CCND3: variants seen among roughly 807,000 people sequenced by gnomAD.
The protein encoded by CCND3 is G1/S-specific cyclin-D3.
Under a neutral mutation model 28.7 loss-of-function variants are expected in CCND3, and 9 were observed. The observed-to-expected ratio is 0.31, with a 90% CI of 0.19 to 0.55. The LOEUF is 0.55. CCND3 is among the 20% of genes least tolerant of loss of function. CCND3 has a pLI of 0.93. For missense variants in CCND3, 315 were observed against 385.8 expected, an observed-to-expected ratio of 0.82 and a Z score of 1.54; for synonymous variants, 164 against 163.9, an observed-to-expected ratio of 1.00 and a Z score of 0.00.
At chr6:41,951,573 C>CAAAA (rs1489585484) in intron 1 of CCND3, among the ~76,000 whole-genome samples, 913 of 71,140 alleles carry the variant, frequency 0.013, 19 homozygotes, top group Admixed American at 0.016. Context: ...CACACACACA[C>CAAAA]ACAAAAAAAA....
intron 1 of CCND3, among the ~76,000 whole-genome samples, chr6:41,979,085 C>T (rs1357157660): frequency 3.5e-5 from 5 of 142,940 alleles, no homozygotes; most frequent in African/African-American, 1.3e-4. Context: ...GCAGGAGAAT[C>T]GCTTGAACCC....
intron 1 of CCND3, among the ~76,000 whole-genome samples, chr6:41,966,255 C>T (rs571185237): frequency 6.6e-6 from 1 of 152,152 alleles, no homozygotes; most frequent in Middle Eastern, 3.4e-3. Flanking sequence ...CAGAGATATC[C>T]GAGCTCCACA....
chr6:42,046,171 C>G lies in CCND3; in HGVS notation c.-46+2330G>C, dbSNP rs183835694. Among the ~76,000 whole-genome samples the G allele has an allele frequency of 6.7e-3, 1,026 of 152,314 alleles. 12 individuals carry two copies. The highest frequency in any genetic ancestry group is 0.023 in the African/African-American group (952 of 41,564). ...AGAGAGGGACCGCCTCAAGGCCTCCCCAAACCTGTGGGGAGGGCCCTTGTA... is the reference window on the plus strand; with the variant it reads ...AGAGAGGGACCGCCTCAAGGCCTCCGCAAACCTGTGGGGAGGGCCCTTGTA... On this transcript the variant is annotated intron_variant, in intron 1 of 4. Coordinates refer to the CCND3 transcript ENST00000372988.
Position 41,971,725 on chromosome 6 carries a change from A to C in CCND3, c.-45-31140T>G, listed in dbSNP as rs141333526. ...CAGCTAATTTTTGTATTTCTAATAG[A>C]GACGGGGTTTCGCCGTGTTGGCCAA... On this transcript the variant is annotated intron_variant, in intron 1 of 4. Transcript: ENST00000372988. 9.6e-3 allele frequency among the ~76,000 whole-genome samples: 1,450 copies of C among 151,234 alleles called. 22 individuals carry two copies. Among genetic ancestry groups the C allele is most frequent in the Non-Finnish European group, 0.013 (914 of 67,756 alleles).
chr6:42,000,709 A>T (rs1762983049), intron 1 of CCND3, among the ~76,000 whole-genome samples: 1 of 151,176 alleles, frequency 6.6e-6, no homozygotes, highest in Non-Finnish European at 1.5e-5. Context: ...CTGGGATTAC[A>T]GGCATGTGCC....
chr6:41,976,526 A>G (rs2127410168), intron 1 of CCND3, among the ~76,000 whole-genome samples: 1 of 152,114 alleles, frequency 6.6e-6, no homozygotes, highest in South Asian at 2.1e-4. Flanking sequence ...GGTGGCACAC[A>G]CCTGTAGTCT....
Position 42,000,564 on chromosome 6 carries a change from C to CTTTTTTTTTTTTTT in CCND3, c.-46+47923_-46+47936dup, listed in dbSNP as rs774090777. 1.2e-4 allele frequency among the ~76,000 whole-genome samples: 10 copies of CTTTTTTTTTTTTTT among 85,520 alleles called. 1 individual carries two copies. Among genetic ancestry groups the CTTTTTTTTTTTTTT allele is most frequent in the Admixed American group, 3.9e-4 (2 of 5,138 alleles). 56.1% of individuals were successfully genotyped at this position (85,520 alleles called of 152,430 possible). A position where few individuals can be genotyped will look rare whatever the true frequency, so the allele number is the denominator to read the frequency against. Reference sequence around the variant, plus strand: ...TTTCTAATAACTGGGTGAAACGAATCTTTTTTTTTTTTTTTTTTCTGAGAC... The same window carrying CTTTTTTTTTTTTTT: ...TTTCTAATAACTGGGTGAAACGAATCTTTTTTTTTTTTTTTTTTTTTTTTTTTTTTTTCTGAGAC... On this transcript the variant is annotated intron_variant, in intron 1 of 4. Coordinates refer to the CCND3 transcript ENST00000372988.
chr6:41,940,427 C>T lies in CCND3; in HGVS notation c.357G>A (p.Leu119=). 6.2e-7 allele frequency: 1 copy of T among 1,613,786 alleles called. No individual in the cohort carries two copies. Among genetic ancestry groups the T allele is most frequent in the Non-Finnish European group, 8.5e-7 (1 of 1,179,942 alleles). Residue 119 remains leucine, a synonymous_variant, in exon 2 of 5, where the codon CTG becomes CTA. Transcript: ENST00000372991. ...LASKLRETTP[L]TIEKLCIYTD... is the part of the protein sequence containing the mutation. ...TGTAGATGCACAGTTTTTCGATGGT[C>T]AGGGGCGTGGTCTCGCGCAGCTTGG...
chr6:42,000,081 C>T (rs1582147468), intron 1 of CCND3, among the ~76,000 whole-genome samples: 2 of 151,652 alleles, frequency 1.3e-5, no homozygotes, highest in East Asian at 3.9e-4. Context: ...GGAGAATACA[C>T]ATTCTTTTCA....
Position 41,936,973 on chromosome 6 carries a change from TC to T in CCND3, c.574+261del. 6.7e-6 allele frequency: 4 copies of T among 595,504 alleles called. No individual in the cohort carries two copies. The allele number at this position is 595,504 out of a possible 1,614,324, so 36.9% of individuals were successfully genotyped here. A position where few individuals can be genotyped will look rare whatever the true frequency, so the allele number is the denominator to read the frequency against. On this transcript the variant is annotated intron_variant, in intron 3 of 4. Transcript: ENST00000372991. The surrounding 1 kb of genome is among the most constrained non-coding windows in gnomAD (Gnocchi z 4.4). ...ACAACTAGGGCCAAGAGACTGGGGT[TC>T]TGTTCCCAACCTGTTCACTGTGAGA...
At chr6:42,038,847 T>G (rs562526898) in intron 1 of CCND3, among the ~76,000 whole-genome samples, 12 of 152,322 alleles carry the variant, frequency 7.9e-5, no homozygotes, top group Non-Finnish European at 1.5e-4. Context: ...TCTCCTCAAA[T>G]GGCACCTTTG....
chr6:41,941,252 A>G lies in CCND3; in HGVS notation c.198+200T>C, dbSNP rs1029311538. 2.1e-6 allele frequency: 3 copies of G among 1,433,068 alleles called. No individual in the cohort carries two copies. The highest frequency in any genetic ancestry group is 5.8e-5 in the Admixed American group (2 of 34,344). 88.8% of individuals were successfully genotyped at this position (1,433,068 alleles called of 1,614,324 possible). On this transcript the variant is annotated intron_variant, in intron 1 of 4. Transcript: ENST00000372991. This position sits in a 1 kb window ranked among gnomAD's most constrained non-coding sequence, Gnocchi z 6.1. The stretch of plus-strand genomic sequence containing the variant: ...TTAGGGTGCCAAGTGACTGGCAGTC[A>G]CTGTCGGGAGGAGCCGATTAGGGCT...
rs1169108045 is a variant in CCND3 at position 41,935,533 on chromosome 6, C to G, written c.*407G>C. On this transcript the variant is annotated 3_prime_UTR_variant, in exon 5 of 5. Coordinates refer to ENST00000372991, the MANE Select transcript of CCND3 (RefSeq NM_001760.5). ...ATTAAATTTTAGAGGGACCCCAATCCAAATGCAATAACCCTAGAAGGGACA... is the reference window on the plus strand; with the variant it reads ...ATTAAATTTTAGAGGGACCCCAATCGAAATGCAATAACCCTAGAAGGGACA... The G allele has an allele frequency of 8.4e-6, 3 of 355,440 alleles. No individual in the cohort carries two copies. Among genetic ancestry groups the G allele is most frequent in the East Asian group, 4.2e-5 (1 of 24,092 alleles). The allele number at this position is 355,440 out of a possible 1,614,324, so 22.0% of individuals were successfully genotyped here.
At chr6:41,946,802 C>A (rs577300206), upstream of CCND3, among the ~76,000 whole-genome samples, 1 of 151,490 alleles carries the variant, frequency 6.6e-6, no homozygotes, top group South Asian at 2.1e-4. Context: ...GAGCACTCTT[C>A]GGCTGGGCGC....
chr6:42,033,474 A>G (rs1448728490), intron 1 of CCND3, among the ~76,000 whole-genome samples: 1 of 76,006 alleles, frequency 1.3e-5, no homozygotes, highest in Non-Finnish European at 2.5e-5. Flanking sequence ...ATATATGTGT[A>G]TATATATGCA....
In CCND3 at chr6:41,938,584, A is replaced by C. The variant is rs746383157; in HGVS notation, c.415-1190T>G. ...CATCTGGAAGGCAACTGGGAGTGGG[A>C]CTCTCCCTATGGGGAGGCAAGGGGT... is the stretch of plus-strand genomic sequence containing the variant. On this transcript the variant is annotated intron_variant, in intron 2 of 4. Transcript: ENST00000372991. This position sits in a 1 kb window ranked among gnomAD's most constrained non-coding sequence, Gnocchi z 4.6. 2.0e-5 allele frequency among the ~76,000 whole-genome samples: 3 copies of C among 152,064 alleles called. No individual in the cohort carries two copies. The highest frequency in any genetic ancestry group is 4.4e-5 in the Non-Finnish European group (3 of 68,004).
At chr6:42,039,555 C>T (rs1325774234) in intron 1 of CCND3, among the ~76,000 whole-genome samples, 1 of 152,186 alleles carries the variant, frequency 6.6e-6, no homozygotes, top group East Asian at 1.9e-4. Context: ...ACGCTCTCAG[C>T]TGCTGGCCTA....
chr6:41,997,236 C>T (rs1762835380), intron 1 of CCND3, among the ~76,000 whole-genome samples: 1 of 152,168 alleles, frequency 6.6e-6, no homozygotes, highest in African/African-American at 2.4e-5. Flanking sequence ...CTGGAAAGAC[C>T]CATGTCATAA....
At chr6:42,043,105 T>A (rs527647085) in intron 1 of CCND3, among the ~76,000 whole-genome samples, 8 of 152,338 alleles carry the variant, frequency 5.3e-5, no homozygotes, top group African/African-American at 1.9e-4. Context: ...GCAAAATGGG[T>A]GTCTCTGGCC....
Sources: gnomAD v4.1 joint callset for allele counts (sites outside exome capture counted in the v4.1 genomes callset) on GRCh38, gnomAD v4.1.1 for gene constraint, Gnocchi (gnomAD v3.1) non-coding constraint, MANE v1.5 for transcripts, NCBI Gene and HGNC (gene_info 2026-07-23, HGNC 2026-07-21) for gene names.